Variants in ABCG1 observed in about 807,000 individuals in gnomAD.
ABCG1 encodes the protein ATP-binding cassette sub-family G member 1.
A neutral mutation model predicts 69.2 loss-of-function variants in ABCG1; 29 were observed. The ratio of observed to expected loss-of-function variants is 0.42; its 90% CI spans 0.31 to 0.57. The LOEUF (loss-of-function observed/expected upper bound fraction) is 0.57. Ranked by LOEUF, ABCG1 falls within the 20% of genes least tolerant of loss-of-function variation. The pLI is 0.15. For missense variants in ABCG1, 718 were observed against 898.1 expected (o/e 0.80, Z 2.56); for synonymous variants, 370 against 374.8 (o/e 0.99, Z 0.15).
At chr21:42,205,726 T>G (rs187231939) in intron 2 of ABCG1, among the ~76,000 whole-genome samples, 10 of 152,354 alleles carry the variant, frequency 6.6e-5, no homozygotes, top group South Asian at 4.1e-4. Flanking sequence ...ATTTGCTTTC[T>G]TTTCTGATTT....
In ABCG1 at chr21:42,219,218, C is replaced by G; in HGVS notation, c.-45C>G. ...AGCCTCGGCCCCGCAGCTCAAGCCT[C>G]GTCCCCGCCGCCGCCGCCGCCGCCG... is the stretch of plus-strand genomic sequence containing the variant. On this transcript the variant is annotated 5_prime_UTR_variant, in exon 1 of 15. Coordinates refer to ENST00000398449, the MANE Select transcript of ABCG1 (RefSeq NM_016818.3). The surrounding 1 kb of genome is among the most constrained non-coding windows in gnomAD (Gnocchi z 5.3). The G allele has an allele frequency of 2.0e-6, 3 of 1,481,548 alleles. No individual in the cohort carries two copies. The highest frequency in any genetic ancestry group is 2.7e-6 in the Non-Finnish European group (3 of 1,119,182). 91.8% of individuals were successfully genotyped at this position (1,481,548 alleles called of 1,614,324 possible).
At chr21:42,259,876 G>A in intron 2 of ABCG1, 1 of 1,440,608 alleles carries the variant, frequency 6.9e-7, no homozygotes, top group Non-Finnish European at 9.1e-7. Flanking sequence ...CAATGGCAAA[G>A]GAGCACAGCG....
chr21:42,247,081 G>T (rs2068144440), intron 2 of ABCG1, among the ~76,000 whole-genome samples: 1 of 152,038 alleles, frequency 6.6e-6, no homozygotes, highest in African/African-American at 2.4e-5. Context: ...ATTTCTAGCT[G>T]GTCCTCTTTC....
chr21:42,285,821 T>A, intron 7 of ABCG1, 59 bp from the exon 8 acceptor site: 1 of 1,160,780 alleles, frequency 8.6e-7, no homozygotes, highest in Non-Finnish European at 1.3e-6. Flanking sequence ...GATTGAGGGC[T>A]CCGGTTGCCT....
chr21:42,251,445 C>T (rs945989221), intron 2 of ABCG1, among the ~76,000 whole-genome samples: 32 of 152,178 alleles, frequency 2.1e-4, no homozygotes, highest in Admixed American at 2.0e-3. Context: ...AATAAGGACT[C>T]GATGTAGGAT....
intron 2 of ABCG1, among the ~76,000 whole-genome samples, chr21:42,234,456 C>T (rs751309473): frequency 3.9e-5 from 6 of 152,206 alleles, no homozygotes; most frequent in African/African-American, 7.2e-5. Context: ...GGTATGGGGG[C>T]ATCTTTGGCC....
chr21:42,225,549 C>T, intron 1 of ABCG1, 122 bp from the exon 2 acceptor site: 1 of 1,261,534 alleles, frequency 7.9e-7, no homozygotes, highest in African/African-American at 1.5e-5. Flanking sequence ...AAAGGTGCTC[C>T]TGCAGTGGAA....
chr21:42,291,807 C>T lies in ABCG1; in HGVS notation c.1653+151C>T. On this transcript the variant is annotated intron_variant, in intron 13 of 14. Coordinates refer to ENST00000398449, the MANE Select transcript of ABCG1 (RefSeq NM_016818.3). The surrounding 1 kb of genome is among the most constrained non-coding windows in gnomAD (Gnocchi z 6.4). ...TTCCCACGGGAAGGGCCCGCATTGT[C>T]GAGGGTCAGGATCAGCTGGCTTCCA... The T allele has an allele frequency of 6.0e-6, 6 of 1,007,738 alleles. No homozygotes were observed. Among genetic ancestry groups the T allele is most frequent in the South Asian group, 3.6e-5 (2 of 54,900 alleles). The allele number at this position is 1,007,738 out of a possible 1,614,324, so 62.4% of individuals were successfully genotyped here.
intron 2 of ABCG1, among the ~76,000 whole-genome samples, chr21:42,227,901 A>G (rs2067842505): frequency 6.6e-6 from 1 of 151,816 alleles, no homozygotes; most frequent in African/African-American, 2.4e-5. Context: ...TCTCATGAGA[A>G]CTCCCTCACT....
rs989950271 is a variant in ABCG1 at position 42,245,622 on chromosome 21, G to A, written c.286+19708G>A. On this transcript the variant is annotated intron_variant, in intron 2 of 14. Coordinates refer to ENST00000398449, the MANE Select transcript of ABCG1 (RefSeq NM_016818.3). Reference sequence around the variant, plus strand: ...TGAGCTGGGTTCCCATGTGGTGTGAGGGAGGCAGGGAATGGCCCAGAAGGC... The same window carrying A: ...TGAGCTGGGTTCCCATGTGGTGTGAAGGAGGCAGGGAATGGCCCAGAAGGC... Among the ~76,000 whole-genome samples the A allele has an allele frequency of 2.0e-5, 3 of 152,230 alleles. No homozygotes were observed. In the East Asian group the frequency reaches 5.8e-4, roughly 29 times the overall value.
At chr21:42,247,596 G>C (rs1208267533) in intron 2 of ABCG1, among the ~76,000 whole-genome samples, 1 of 152,178 alleles carries the variant, frequency 6.6e-6, no homozygotes, top group African/African-American at 2.4e-5. Flanking sequence ...TGGGTTGATG[G>C]TGACCCTCCA....
chr21:42,282,559 T>A, intron 6 of ABCG1, 140 bp downstream of exon 6: 1 of 965,928 alleles, frequency 1.0e-6, no homozygotes, highest in Non-Finnish European at 1.5e-6. Flanking sequence ...TCCTTCCATC[T>A]GGGACCACTG....
At chr21:42,253,892 C>G (rs753495226) in intron 2 of ABCG1, among the ~76,000 whole-genome samples, 2 of 152,206 alleles carry the variant, frequency 1.3e-5, no homozygotes, top group Non-Finnish European at 2.9e-5. Flanking sequence ...ATTGATGTAA[C>G]TACTCCCTTT....
intron 2 of ABCG1, among the ~76,000 whole-genome samples, chr21:42,228,722 G>A (rs1326060738): frequency 6.6e-6 from 1 of 152,178 alleles, no homozygotes; most frequent in Non-Finnish European, 1.5e-5. Context: ...GGAGGCTCTG[G>A]TGCCCACAGG....
At chr21:42,243,919 C>T (rs1215023354) in intron 2 of ABCG1, among the ~76,000 whole-genome samples, 1 of 147,332 alleles carries the variant, frequency 6.8e-6, no homozygotes, top group Non-Finnish European at 1.5e-5. Context: ...CCCGGGTTCA[C>T]GCCATTCTCC....
intron 2 of ABCG1, among the ~76,000 whole-genome samples, chr21:42,250,942 C>G (rs1396140445): frequency 6.6e-6 from 1 of 152,140 alleles, no homozygotes. Context: ...AACAGCAGCA[C>G]TAAGTGGTAT....
At chr21:42,253,022 G>T (rs1189287115) in intron 2 of ABCG1, among the ~76,000 whole-genome samples, 1 of 152,126 alleles carries the variant, frequency 6.6e-6, no homozygotes, top group Non-Finnish European at 1.5e-5. Flanking sequence ...TCCCAGTCTC[G>T]GCACGCCTGG....
chr21:42,228,699 C>T (rs891487521), intron 2 of ABCG1, among the ~76,000 whole-genome samples: 1 of 152,220 alleles, frequency 6.6e-6, no homozygotes, highest in Non-Finnish European at 1.5e-5. Flanking sequence ...AGCAGGGAAG[C>T]AGAGCTCTTC....
chr21:42,235,017 C>T (rs555362257), intron 2 of ABCG1, among the ~76,000 whole-genome samples: 2 of 152,248 alleles, frequency 1.3e-5, no homozygotes, highest in South Asian at 2.1e-4. Flanking sequence ...CGAGCGGGGT[C>T]GCAGCCTCCC....
Sources: allele counts gnomAD v4.1 joint callset (sites outside exome capture counted in the v4.1 genomes callset), GRCh38; gene constraint gnomAD v4.1.1; non-coding constraint Gnocchi (gnomAD v3.1); transcripts MANE v1.5; gene names NCBI Gene and HGNC (gene_info 2026-07-23, HGNC 2026-07-21).